The following XKRX variants were observed in gnomAD, a reference collection of about 807,000 sequenced individuals.
The protein encoded by XKRX is XK related X-linked.
XKRX carries 11 observed loss-of-function variants against 22.4 expected under a neutral mutation model. That is an observed-to-expected ratio of 0.49 (90% CI 0.31 to 0.81). XKRX has a LOEUF of 0.81. XKRX is among the 40% of genes least tolerant of loss of function. The pLI is 0.05. For missense variants in XKRX, 320 were observed against 336.5 expected (o/e 0.95, Z 0.38); for synonymous variants, 114 against 132.2 (o/e 0.86, Z 0.94).
chrX:100,915,528 A>G (rs2085430271), intron 2 of XKRX, among the ~76,000 whole-genome samples: 1 of 111,571 alleles, frequency 9.0e-6, no homozygotes, highest in African/African-American at 3.3e-5. Context: ...AAACGATCAA[A>G]TAATCCCACT....
At chrX:100,941,505 C>T in the XKRX span, among the ~76,000 whole-genome samples, 1 of 111,064 alleles carries the variant, frequency 9.0e-6, no homozygotes, top group Non-Finnish European at 1.9e-5. Flanking sequence ...GCCGAGATTG[C>T]GCTATTGCAC....
the XKRX span, among the ~76,000 whole-genome samples, chrX:100,896,115 G>A: frequency 9.0e-6 from 1 of 111,682 alleles, no homozygotes; most frequent in African/African-American, 3.3e-5. Flanking sequence ...GGTCCACACT[G>A]GCTCTGTGGA....
the XKRX span, among the ~76,000 whole-genome samples, chrX:100,957,866 G>A: frequency 9.0e-6 from 1 of 111,595 alleles, no homozygotes; most frequent in African/African-American, 3.3e-5. Context: ...TCTAGGTGGA[G>A]CGGATGGAAT....
At chrX:100,888,129 T>G in the XKRX span, 1 of 1,173,025 alleles carries the variant, frequency 8.5e-7, no homozygotes, top group Non-Finnish European at 1.1e-6. Context: ...CATGGAGTCA[T>G]GGTCGTCAAA....
At chrX:100,929,208 C>T (rs1455298033), upstream of XKRX, 1 of 112,187 alleles carries the variant, frequency 8.9e-6, no homozygotes, top group African/African-American at 3.2e-5. Flanking sequence ...GTCTGCGATT[C>T]CAGCTGCGAG....
Position 100,914,770 on chromosome X carries a change from G to A in XKRX, c.918C>T (p.Val306=), listed in dbSNP as rs775193679. ...CTGAAATCAGGACCACCAGAGTGCCGACCCGGCTGAAGTTTTTCTCAATGT... is the reference window on the plus strand; with the variant it reads ...CTGAAATCAGGACCACCAGAGTGCCAACCCGGCTGAAGTTTTTCTCAATGT... The part of the protein sequence containing the change: ...PNNIEKNFSR[V]GTLVVLISVT... The change falls in exon 3 of 3, where the codon GTC becomes GTT. Residue 306 remains valine (V), a synonymous_variant. Coordinates refer to ENST00000372956, the MANE Select transcript of XKRX (RefSeq NM_212559.3). 5.8e-6 allele frequency: 7 copies of A among 1,209,456 alleles called. No individual in the cohort carries two copies. The highest frequency in any genetic ancestry group is 2.2e-5 in the Admixed American group (1 of 45,629).
chrX:100,953,266 C>A, the XKRX span, among the ~76,000 whole-genome samples: 1 of 111,179 alleles, frequency 9.0e-6, no homozygotes, highest in Non-Finnish European at 1.9e-5. Context: ...CCAGCCTGTG[C>A]GACAAAGTGG....
downstream of XKRX, among the ~76,000 whole-genome samples, chrX:100,912,452 A>G (rs906357454): frequency 4.5e-5 from 5 of 112,010 alleles, no homozygotes; most frequent in Admixed American, 2.9e-4. Context: ...CCAAGAAATA[A>G]GATACTTTGG....
chrX:100,908,606 T>C (rs2085396476), downstream of XKRX, among the ~76,000 whole-genome samples: 1 of 111,892 alleles, frequency 8.9e-6, no homozygotes, highest in African/African-American at 3.2e-5. Context: ...ATGGTAAGAT[T>C]ATGGACATAT....
downstream of XKRX, among the ~76,000 whole-genome samples, chrX:100,908,526 G>C (rs1366054796): frequency 9.0e-6 from 1 of 111,460 alleles, no homozygotes; most frequent in African/African-American, 3.3e-5. Flanking sequence ...ACATATTTCC[G>C]CTATGTACCC....
At chrX:100,923,116 T>C in intron 1 of XKRX, 55 bp from the exon 2 acceptor site, 1 of 1,171,762 alleles carries the variant, frequency 8.5e-7, no homozygotes, top group Non-Finnish European at 1.2e-6. Flanking sequence ...GAAGGGAGGT[T>C]GTAGTGAGGG....
At chrX:100,957,219 C>T in the XKRX span, 11 of 996,206 alleles carry the variant, frequency 1.1e-5, no homozygotes, top group Non-Finnish European at 1.6e-5. Flanking sequence ...AATGACTTGT[C>T]AGTATCGATC....
At chrX:100,900,939 A>G in the XKRX span, among the ~76,000 whole-genome samples, 107 of 108,343 alleles carry the variant, frequency 9.9e-4, no homozygotes, top group Middle Eastern at 4.6e-3. Context: ...ACAGGAGCCC[A>G]CCACCACGCC....
the XKRX span, among the ~76,000 whole-genome samples, chrX:100,948,092 G>A: frequency 5.9e-5 from 2 of 33,867 alleles, no homozygotes; most frequent in African/African-American, 2.1e-4. Flanking sequence ...TTTTTTGGAG[G>A]GACAGGTTTC....
the XKRX span, among the ~76,000 whole-genome samples, chrX:100,955,056 TATG>T: frequency 8.9e-6 from 1 of 112,135 alleles, no homozygotes; most frequent in Non-Finnish European, 1.9e-5. Context: ...GGGAGAATTG[TATG>T]ATATGTGAAT....
At chrX:100,943,049 G>C in the XKRX span, among the ~76,000 whole-genome samples, 1 of 111,361 alleles carries the variant, frequency 9.0e-6, no homozygotes, top group Non-Finnish European at 1.9e-5. Context: ...TTTAGATTTT[G>C]TTAGACTAAG....
chrX:100,898,825 T>TTTTA, the XKRX span, among the ~76,000 whole-genome samples: 1 of 109,063 alleles, frequency 9.2e-6, no homozygotes, highest in African/African-American at 3.4e-5. Context: ...TCTTTTTCTC[T>TTTTA]TTTCTTTCTT....
At chrX:100,956,978 G>T in the XKRX span, 1 of 1,067,270 alleles carries the variant, frequency 9.4e-7, no homozygotes, top group African/African-American at 1.8e-5. Flanking sequence ...CCCGAGCTTG[G>T]GACAAGGGAG....
the XKRX span, among the ~76,000 whole-genome samples, chrX:100,950,864 A>G: frequency 7.1e-4 from 80 of 111,990 alleles, no homozygotes; most frequent in Non-Finnish European, 4.9e-4. Flanking sequence ...AAAATACAAT[A>G]TATCAAAATG....
Sources: allele counts gnomAD v4.1 joint callset (sites outside exome capture counted in the v4.1 genomes callset), GRCh38; gene constraint gnomAD v4.1.1; transcripts MANE v1.5; gene names NCBI Gene and HGNC (gene_info 2026-07-23, HGNC 2026-07-21).